The following BBS5 variants were observed in gnomAD, a reference collection of about 807,000 sequenced individuals.
The protein encoded by BBS5 is Bardet-Biedl syndrome 5.
BBS5 carries 39 observed loss-of-function variants against 50.2 expected under a neutral mutation model. That is an observed-to-expected ratio of 0.78 (90% CI 0.60 to 1.01). The LOEUF is 1.01. Ranked by LOEUF, BBS5 falls within the 50% of genes least tolerant of loss-of-function variation. BBS5 has a pLI of 0.00. For missense variants in BBS5, 356 were observed against 401.5 expected (o/e 0.89, Z 0.97); for synonymous variants, 134 against 133.1 (o/e 1.01, Z -0.05).
rs767620739 is a variant in BBS5, at chr2:169,479,629, C to G, written c.59+17C>G. On this transcript the variant is annotated intron_variant, in intron 1 of 11. Transcript: ENST00000295240. ...GTCCGCGCAGTGAGTTTCCAAGATT[C>G]CCGAGGGATCTTCAACCCTGTAGAG... The G allele has an allele frequency of 1.9e-6, 3 of 1,614,046 alleles. No individual in the cohort carries two copies. The highest frequency in any genetic ancestry group is 2.5e-6 in the Non-Finnish European group (3 of 1,179,914).
chr2:169,499,372 G>C, intron 8 of BBS5, 114 bp from the exon 9 acceptor site: 2 of 1,124,830 alleles, frequency 1.8e-6, no homozygotes, highest in Non-Finnish European at 2.5e-6. Context: ...TTGAAAAAAT[G>C]AACTTACGTA....
At chr2:169,480,418 C>A (rs1228707986) in intron 1 of BBS5, among the ~76,000 whole-genome samples, 1 of 152,104 alleles carries the variant, frequency 6.6e-6, no homozygotes, top group African/African-American at 2.4e-5. Flanking sequence ...CGTTCCTTAT[C>A]ATGGACCTCC....
intron 9 of BBS5, 89 bp from the exon 10 acceptor site, chr2:169,503,006 G>A: frequency 3.2e-6 from 3 of 949,776 alleles, no homozygotes; most frequent in South Asian, 1.4e-5. Context: ...GACTTTAGTA[G>A]TTTGTAATTG....
chr2:169,493,675 A>G, intron 6 of BBS5, 66 bp from the exon 7 acceptor site: 2 of 1,099,212 alleles, frequency 1.8e-6, no homozygotes, highest in Non-Finnish European at 1.4e-6. Context: ...TATTCTGGTG[A>G]TTAGAAAATA....
Position 169,504,909 on chromosome 2 carries a change from G to A in BBS5, c.*327G>A. ...CGGCTGCAAATTCGCCCAGCCAATGGGGACGTTGCGGCCCAGTGGGTGGAG... is the reference window on the plus strand; with the variant it reads ...CGGCTGCAAATTCGCCCAGCCAATGAGGACGTTGCGGCCCAGTGGGTGGAG... On this transcript the variant is annotated 3_prime_UTR_variant, in exon 12 of 12. Coordinates refer to ENST00000295240, the MANE Select transcript of BBS5 (RefSeq NM_152384.3). 1 of 1,613,762 alleles carries A rather than the reference G, an allele frequency of 6.2e-7. No individual in the cohort carries two copies. The highest frequency in any genetic ancestry group is 1.3e-5 in the African/African-American group (1 of 75,040).
chr2:169,487,122 A>G lies in BBS5; in HGVS notation c.196A>G (p.Arg66Gly). 1 of 1,610,226 alleles carries G rather than the reference A, an allele frequency of 6.2e-7. No homozygotes were observed. The highest frequency in any genetic ancestry group is 1.7e-5 in the Admixed American group (1 of 60,014). ...TCTCTGGCACTCTTTGGCATTATCAAGAGTCAATGTTTGTAAGTATCTTTG... is the reference window on the plus strand; with the variant it reads ...TCTCTGGCACTCTTTGGCATTATCAGGAGTCAATGTTTGTAAGTATCTTTG... ...RILWHSLALSRVNVSVGYNCI... is the reference protein window; with the variant it reads ...RILWHSLALSGVNVSVGYNCI... The change falls in exon 3 of 12, where the codon AGA becomes GGA. Residue 66 changes from arginine to glycine, a missense_variant. Coordinates refer to ENST00000295240, the MANE Select transcript of BBS5 (RefSeq NM_152384.3).
chr2:169,502,748 A>G (rs1247398674), intron 9 of BBS5, among the ~76,000 whole-genome samples: 10 of 152,228 alleles, frequency 6.6e-5, no homozygotes, highest in African/African-American at 1.9e-4. Flanking sequence ...TATAATGACT[A>G]TTCTGAGGAA....
chr2:169,491,356 T>C (rs1683598811), intron 5 of BBS5, among the ~76,000 whole-genome samples: 1 of 152,222 alleles, frequency 6.6e-6, no homozygotes, highest in Non-Finnish European at 1.5e-5. Context: ...TAAGTATTGA[T>C]GATAACAGCA....
rs1316754848 is a variant in BBS5, at chr2:169,506,165, C to G, written c.*1583C>G. ...CCCCCCGCCCGGCCAGCCGCCCGGT[C>G]CGGGAGGGAGGTGGGGGGGTCAGCC... is the stretch of plus-strand genomic sequence containing the variant. On this transcript the variant is annotated 3_prime_UTR_variant, in exon 12 of 12. Coordinates refer to ENST00000295240, the MANE Select transcript of BBS5 (RefSeq NM_152384.3). 1 of 151,582 alleles carries G rather than the reference C, an allele frequency of 6.6e-6. No individual in the cohort carries two copies. Among genetic ancestry groups the G allele is most frequent in the East Asian group, 1.9e-4 (1 of 5,186 alleles). 9.4% of individuals were successfully genotyped at this position (151,582 alleles called of 1,614,324 possible). A position where few individuals can be genotyped will look rare whatever the true frequency, so the allele number is the denominator to read the frequency against.
At chr2:169,496,666 G>A (rs933282756) in intron 7 of BBS5, among the ~76,000 whole-genome samples, 6 of 151,582 alleles carry the variant, frequency 4.0e-5, no homozygotes, top group South Asian at 2.1e-4. Flanking sequence ...TCAGGAGATC[G>A]AGACCATCCC....
intron 5 of BBS5, among the ~76,000 whole-genome samples, chr2:169,488,385 T>C (rs1166825877): frequency 6.6e-6 from 1 of 152,256 alleles, no homozygotes; most frequent in African/African-American, 2.4e-5. Flanking sequence ...TCTGGGGTGA[T>C]GGGAGACAAT....
intron 5 of BBS5, among the ~76,000 whole-genome samples, chr2:169,489,986 C>T (rs1205568882): frequency 6.7e-6 from 1 of 149,052 alleles, no homozygotes; most frequent in African/African-American, 2.5e-5. Flanking sequence ...CACCATTCTC[C>T]TGCCTCAGCC....
intron 2 of BBS5, 175 bp downstream of exon 2, chr2:169,482,508 ACATGTAGTTTGGTCCTT>A: frequency 3.4e-6 from 2 of 595,910 alleles, no homozygotes; most frequent in Non-Finnish European, 6.0e-6. Context: ...TAGGTATTAA[ACATGTAGTTTGGTCCTT>A]CAGTAAGTCC....
chr2:169,489,073 C>A (rs946257538), intron 5 of BBS5, among the ~76,000 whole-genome samples: 2 of 151,986 alleles, frequency 1.3e-5, no homozygotes, highest in African/African-American at 4.8e-5. Flanking sequence ...CTCACTGAAG[C>A]CTCAAACTCC....
chr2:169,499,453 T>C, intron 8 of BBS5, 33 bp from the exon 9 acceptor site: 22 of 1,600,668 alleles, frequency 1.4e-5, no homozygotes, highest in Non-Finnish European at 1.8e-5. Context: ...TTCAGACTTG[T>C]TGGGTTTTTT....
chr2:169,503,248 G>T (rs56293740), intron 10 of BBS5, 70 bp downstream of exon 10: 1 of 1,258,330 alleles, frequency 7.9e-7, no homozygotes, highest in Non-Finnish European at 1.1e-6. Flanking sequence ...TAAAATAATG[G>T]TGTGTGTGAA....
chr2:169,480,612 C>T (rs929758374), intron 1 of BBS5, among the ~76,000 whole-genome samples: 3 of 147,464 alleles, frequency 2.0e-5, no homozygotes, highest in African/African-American at 5.0e-5. Flanking sequence ...GAAAGGAATT[C>T]GTAAAATTAC....
At chr2:169,480,790 T>C (rs1683377401) in intron 1 of BBS5, among the ~76,000 whole-genome samples, 1 of 147,346 alleles carries the variant, frequency 6.8e-6, no homozygotes, top group Non-Finnish European at 1.5e-5. Context: ...CAAGCAATTC[T>C]CCTGCCTCAG....
chr2:169,498,806 C>CAAAAAAA lies in BBS5; in HGVS notation c.682-668_682-662dup, dbSNP rs368910049. 4.2e-5 allele frequency among the ~76,000 whole-genome samples: 3 copies of CAAAAAAA among 72,096 alleles called. 1 individual carries two copies. Among genetic ancestry groups the CAAAAAAA allele is most frequent in the South Asian group, 8.1e-4 (2 of 2,456 alleles). The allele number at this position is 72,096 out of a possible 152,430, so 47.3% of individuals were successfully genotyped here. A position where few individuals can be genotyped will look rare whatever the true frequency, so the allele number is the denominator to read the frequency against. ...TGGCCGACAGAGCGAGACTCTGTCT[C>CAAAAAAA]AAAAAAAAAAAAAAAAAAGAAAGGA... On this transcript the variant is annotated intron_variant, in intron 8 of 11. Coordinates refer to ENST00000295240, the MANE Select transcript of BBS5 (RefSeq NM_152384.3).
Sources: gnomAD v4.1 joint callset for allele counts (sites outside exome capture counted in the v4.1 genomes callset) on GRCh38, gnomAD v4.1.1 for gene constraint, MANE v1.5 for transcripts, NCBI Gene and HGNC (gene_info 2026-07-23, HGNC 2026-07-21) for gene names.